Variants in SCAI observed in about 807,000 individuals in gnomAD.
SCAI encodes protein SCAI.
A neutral mutation model predicts 92.2 loss-of-function variants in SCAI; 24 were observed. That is an observed-to-expected ratio of 0.26 (90% confidence interval 0.19 to 0.37). The LOEUF (loss-of-function observed/expected upper bound fraction) is 0.37, where lower values mean the gene tolerates loss of function less well. Ranked by LOEUF, SCAI falls within the 10% of genes least tolerant of loss-of-function variation. SCAI has a pLI of 1.00. For synonymous variants in SCAI, 261 were observed against 258.6 expected (o/e 1.01, Z -0.09); for missense variants, 450 against 736.2 (o/e 0.61, Z 4.50).
rs1019950517 is a variant in SCAI, at chr9:125,026,807, C to T, written c.512+5G>A. On this transcript the variant is annotated splice_donor_5th_base_variant and intron_variant, in intron 6 of 17. Transcript: ENST00000336505. Reference sequence around the variant, plus strand: ...CATCTTTCTAAAAACATAGCAGATACATACCTGTCCTCTTTATTGACTTGA... The same window carrying T: ...CATCTTTCTAAAAACATAGCAGATATATACCTGTCCTCTTTATTGACTTGA... The T allele has an allele frequency of 1.5e-6, 2 of 1,377,054 alleles. No individual in the cohort carries two copies. Among genetic ancestry groups the T allele is most frequent in the East Asian group, 2.3e-5 (1 of 43,654 alleles). The allele number at this position is 1,377,054 out of a possible 1,614,324, so 85.3% of individuals were successfully genotyped here. A position where few individuals can be genotyped will look rare whatever the true frequency, so the allele number is the denominator to read the frequency against.
At chr9:125,066,191 T>C in intron 2 of SCAI, 1 of 517,188 alleles carries the variant, frequency 1.9e-6, no homozygotes, top group Non-Finnish European at 3.4e-6. Flanking sequence ...TTTAGCAAAG[T>C]TTCTGGATAA....
intron 2 of SCAI, among the ~76,000 whole-genome samples, chr9:125,082,743 T>G (rs979411726): frequency 1.3e-5 from 2 of 152,260 alleles, no homozygotes; most frequent in African/African-American, 2.4e-5. Flanking sequence ...CTGCTGGATT[T>G]TGGACTTGCA....
chr9:124,971,617 T>C, intron 16 of SCAI, 54 bp downstream of exon 16: 1 of 1,481,392 alleles, frequency 6.8e-7, no homozygotes, highest in Non-Finnish European at 9.2e-7. Flanking sequence ...TAAGTAACCA[T>C]TTTAAGCCAT....
intron 2 of SCAI, among the ~76,000 whole-genome samples, chr9:125,137,568 A>G (rs1219124979): frequency 6.6e-6 from 1 of 152,192 alleles, no homozygotes; most frequent in African/African-American, 2.4e-5. Flanking sequence ...TTCACTGGCA[A>G]TAACTCACTT....
At chr9:125,074,326 G>T (rs1383346323) in intron 2 of SCAI, among the ~76,000 whole-genome samples, 1 of 149,824 alleles carries the variant, frequency 6.7e-6, no homozygotes, top group East Asian at 2.1e-4. Flanking sequence ...GCACAATCTT[G>T]GCTCACTACA....
At chr9:125,056,353 C>T (rs934774681) in intron 2 of SCAI, among the ~76,000 whole-genome samples, 1 of 152,108 alleles carries the variant, frequency 6.6e-6, no homozygotes, top group Non-Finnish European at 1.5e-5. Context: ...GTAGTCCCAG[C>T]TACTCAGGAG....
At chr9:125,071,790 T>C (rs1833983859) in intron 2 of SCAI, among the ~76,000 whole-genome samples, 1 of 152,154 alleles carries the variant, frequency 6.6e-6, no homozygotes, top group South Asian at 2.1e-4. Context: ...AAAGGAGTGT[T>C]GGTTAATCAG....
intron 17 of SCAI, among the ~76,000 whole-genome samples, chr9:124,957,310 A>G (rs1215728713): frequency 3.9e-5 from 6 of 152,116 alleles, no homozygotes. Flanking sequence ...CAGTGTTTTA[A>G]AAGTGCATTT....
intron 3 of SCAI, among the ~76,000 whole-genome samples, chr9:125,037,974 C>T (rs1407426933): frequency 6.6e-6 from 1 of 151,032 alleles, no homozygotes; most frequent in East Asian, 2.0e-4. Flanking sequence ...TAAGAAATAA[C>T]AGGTCAGTGC....
At chr9:125,010,582 T>C (rs149000171) in intron 9 of SCAI, among the ~76,000 whole-genome samples, 2 of 152,330 alleles carry the variant, frequency 1.3e-5, no homozygotes, top group African/African-American at 4.8e-5. Flanking sequence ...CCTGCCTCTG[T>C]AGGCTCCACC....
At chr9:125,080,281 T>A (rs1834184425) in intron 2 of SCAI, among the ~76,000 whole-genome samples, 1 of 152,024 alleles carries the variant, frequency 6.6e-6, no homozygotes, top group South Asian at 2.1e-4. Context: ...ATTACACAGT[T>A]AGAAAAAAAA....
At chr9:124,964,999 C>CA (rs1831509973) in intron 17 of SCAI, among the ~76,000 whole-genome samples, 1 of 120,752 alleles carries the variant, frequency 8.3e-6, no homozygotes, top group South Asian at 2.9e-4. Context: ...TCTTTTGTGG[C>CA]AGGTTTTTTT....
chr9:124,976,818 A>G (rs1831766286), intron 14 of SCAI, among the ~76,000 whole-genome samples: 1 of 152,196 alleles, frequency 6.6e-6, no homozygotes, highest in Non-Finnish European at 1.5e-5. Context: ...ATCAAACAAC[A>G]AAAACATTTT....
In SCAI at chr9:124,943,632, C is replaced by T. The variant is rs1831095104; in HGVS notation, c.*9175G>A. 1 of 152,134 alleles carries T rather than the reference C, an allele frequency of 6.6e-6. No homozygotes were observed. Among genetic ancestry groups the T allele is most frequent in the African/African-American group, 2.4e-5 (1 of 41,428 alleles). The allele number at this position is 152,134 out of a possible 1,614,324, so 9.4% of individuals were successfully genotyped here. A position where few individuals can be genotyped will look rare whatever the true frequency, so the allele number is the denominator to read the frequency against. On this transcript the variant is annotated 3_prime_UTR_variant, in exon 18 of 18. Coordinates refer to ENST00000336505, the MANE Select transcript of SCAI (RefSeq NM_001144877.3). The stretch of plus-strand genomic sequence containing the variant: ...CACTAGAAAATCGAGTAATTATATC[C>T]TCCAAATGAATTACTTCTATGATTT...
At chr9:125,011,282 T>TG (rs1245268346) in intron 9 of SCAI, among the ~76,000 whole-genome samples, 1 of 152,086 alleles carries the variant, frequency 6.6e-6, no homozygotes, top group Admixed American at 6.6e-5. Flanking sequence ...TTGAAAACTT[T>TG]GAAAAAAATT....
At chr9:125,032,593 A>G (rs1441529330) in intron 3 of SCAI, among the ~76,000 whole-genome samples, 1 of 148,722 alleles carries the variant, frequency 6.7e-6, no homozygotes, top group East Asian at 2.0e-4. Flanking sequence ...ATGGAAGGAG[A>G]AAACCTGTTT....
intron 9 of SCAI, among the ~76,000 whole-genome samples, chr9:125,015,921 A>G (rs908526102): frequency 1.2e-4 from 18 of 151,314 alleles, no homozygotes; most frequent in African/African-American, 1.7e-4. Context: ...TCAGTAAACT[A>G]TCGCAAGAAC....
At chr9:125,132,701 G>C (rs1298707441) in intron 2 of SCAI, among the ~76,000 whole-genome samples, 1 of 152,096 alleles carries the variant, frequency 6.6e-6, no homozygotes, top group Non-Finnish European at 1.5e-5. Flanking sequence ...TGGTGCGGTG[G>C]CTCATGCCTG....
At chr9:125,017,488 A>G (rs2131068363) in intron 9 of SCAI, among the ~76,000 whole-genome samples, 1 of 152,308 alleles carries the variant, frequency 6.6e-6, no homozygotes, top group South Asian at 2.1e-4. Flanking sequence ...TAATGGTCAT[A>G]AAAGCCAAAA....
Sources: gnomAD v4.1 joint callset for allele counts (sites outside exome capture counted in the v4.1 genomes callset) on GRCh38, gnomAD v4.1.1 for gene constraint, MANE v1.5 for transcripts, NCBI Gene and HGNC (gene_info 2026-07-23, HGNC 2026-07-21) for gene names.